The following MYOCD variants were observed in gnomAD, a reference collection of about 807,000 sequenced individuals.
MYOCD encodes the protein myocardin.
In MYOCD, 32 loss-of-function variants were observed where a neutral mutation model predicts 96.1. The observed-to-expected ratio is 0.33, with a 90% CI of 0.25 to 0.45. The LOEUF (loss-of-function observed/expected upper bound fraction) is 0.45. Ranked by LOEUF, MYOCD falls within the 20% of genes least tolerant of loss-of-function variation. The pLI, the probability that MYOCD is intolerant of heterozygous loss-of-function variation, is 1.00. For missense variants in MYOCD, 1,133 were observed against 1,200.6 expected (o/e 0.94, Z 0.83); for synonymous variants, 469 against 469.0 (o/e 1.00, Z 0.00).
chr17:12,754,295 A>G (rs1029390486), intron 10 of MYOCD, among the ~76,000 whole-genome samples: 11 of 152,022 alleles, frequency 7.2e-5, no homozygotes, highest in East Asian at 5.8e-4. Flanking sequence ...GTAGAGACAG[A>G]GTTTCACCAT....
At chr17:12,762,966 G>A (rs796728848) in intron 13 of MYOCD, 107 bp from the exon 14 acceptor site, 3 of 880,164 alleles carry the variant, frequency 3.4e-6, no homozygotes, top group African/African-American at 3.3e-5. Flanking sequence ...GGTGAGCGGT[G>A]ACCAGGGAAG....
intron 9 of MYOCD, among the ~76,000 whole-genome samples, chr17:12,751,906 C>T (rs2150718868): frequency 1.3e-5 from 2 of 152,282 alleles, no homozygotes; most frequent in Middle Eastern, 6.8e-3. Context: ...GGGTCAGAAA[C>T]CCCACAGTGG....
chr17:12,744,570 G>A (rs1322450305), intron 8 of MYOCD, 134 bp downstream of exon 8: 4 of 1,297,554 alleles, frequency 3.1e-6, no homozygotes, highest in African/African-American at 1.5e-5. Flanking sequence ...TGTTTGGAAG[G>A]TGACTCAATT....
Position 12,752,964 on chromosome 17 carries a change from A to T in MYOCD, c.1676A>T (p.Glu559Val). ...LQKQKRNNCS[E>V]KKPLPFLAAS... ...AAGCAGAAAAGGAATAACTGTTCAGAGAAGAAGCCGCTGCCTTTCCTGGCT... is the reference window on the plus strand; with the variant it reads ...AAGCAGAAAAGGAATAACTGTTCAGTGAAGAAGCCGCTGCCTTTCCTGGCT... The change falls in exon 10 of 14, where the codon GAG becomes GTG. Residue 559 changes from glutamate (E) to valine (V), a missense_variant. Glu to Val is a moderately radical substitution (Grantham distance 121). Coordinates refer to ENST00000425538, the MANE Select transcript of MYOCD (RefSeq NM_001146312.3). 2 of 1,614,172 alleles carry T rather than the reference A, an allele frequency of 1.2e-6. No homozygotes were observed. Among genetic ancestry groups the T allele is most frequent in the Non-Finnish European group, 1.7e-6 (2 of 1,180,036 alleles).
chr17:12,759,089 C>A (rs915981758), intron 12 of MYOCD, among the ~76,000 whole-genome samples: 7 of 151,968 alleles, frequency 4.6e-5, no homozygotes, highest in African/African-American at 1.4e-4. Context: ...ATTAATGATC[C>A]CCTATTTCAA....
chr17:12,700,497 T>C (rs2031016220), intron 1 of MYOCD, among the ~76,000 whole-genome samples: 1 of 137,304 alleles, frequency 7.3e-6, no homozygotes, highest in Non-Finnish European at 1.5e-5. Flanking sequence ...TACTGCAAGC[T>C]CTGCCTCCTG....
Position 12,736,205 on chromosome 17 carries a change from G to A in MYOCD, c.460G>A (p.Glu154Lys). 6.2e-7 allele frequency: 1 copy of A among 1,614,150 alleles called. No individual in the cohort carries two copies. The highest frequency in any genetic ancestry group is 1.3e-5 in the African/African-American group (1 of 75,032). The change falls in exon 6 of 14, where the codon GAA (glutamate) becomes AAA (lysine). Residue 154 changes from glutamate (E) to lysine (K), a missense_variant. Coordinates refer to ENST00000425538, the MANE Select transcript of MYOCD (RefSeq NM_001146312.3). ...CAAATCCACGGATGCTTTTGCCTTT[G>A]AAGAGGACAGCAGCAGCGATGGGCT... ...FSKSTDAFAFEEDSSSDGLSP... is the reference protein window; with the variant it reads ...FSKSTDAFAFKEDSSSDGLSP...
At chr17:12,722,250 A>G (rs79561153) in intron 4 of MYOCD, among the ~76,000 whole-genome samples, 3,046 of 152,276 alleles carry the variant, frequency 0.02, 139 homozygotes, top group Admixed American at 0.11. Context: ...AAGTGGATTT[A>G]AGGCTCTGTA....
rs770443067 is a variant in MYOCD at position 12,744,167 on chromosome 17, C to T, written c.718-16C>T. ...CATCACCTAAAGCACATGCAATTTC[C>T]TCATCTTCTTTGCAGTCCAAATCCT... On this transcript the variant is annotated splice_polypyrimidine_tract_variant and intron_variant, in intron 7 of 13. Transcript: ENST00000425538. 3.1e-6 allele frequency: 5 copies of T among 1,612,232 alleles called. No individual in the cohort carries two copies. The Admixed American group carries it at 5.0e-5, about 16-fold the overall frequency.
chr17:12,756,643 CCGA>C, intron 11 of MYOCD, 86 bp downstream of exon 11: 2 of 1,301,110 alleles, frequency 1.5e-6, no homozygotes, highest in Non-Finnish European at 2.1e-6. Context: ...TTGCAGTGAG[CCGA>C]GATCGCACCA....
chr17:12,666,040 C>G lies in MYOCD; in HGVS notation c.-149C>G. ...GGCGCCAGTTTTCTGGGGACACTGG[C>G]TGCCACTGTACTCCTACCCAGGGGA... On this transcript the variant is annotated 5_prime_UTR_variant, in exon 1 of 14. Coordinates refer to ENST00000425538, the MANE Select transcript of MYOCD (RefSeq NM_001146312.3). 1.7e-6 allele frequency: 1 copy of G among 587,352 alleles called. No homozygotes were observed. Among genetic ancestry groups the G allele is most frequent in the Non-Finnish European group, 3.0e-6 (1 of 329,016 alleles). The allele number at this position is 587,352 out of a possible 1,614,324, so 36.4% of individuals were successfully genotyped here.
chr17:12,692,505 T>C (rs1477548911), intron 1 of MYOCD, among the ~76,000 whole-genome samples: 1 of 152,232 alleles, frequency 6.6e-6, no homozygotes, highest in Non-Finnish European at 1.5e-5. Flanking sequence ...CTGGGGCTCT[T>C]GGACATTGAG....
intron 6 of MYOCD, among the ~76,000 whole-genome samples, chr17:12,737,073 G>A (rs796087212): frequency 7.9e-5 from 12 of 152,130 alleles, no homozygotes; most frequent in African/African-American, 1.9e-4. Context: ...TGGCCAACAC[G>A]GTGAAACCCC....
In MYOCD at chr17:12,768,909, A is replaced by G. The variant is rs955092738; in HGVS notation, c.*5265A>G. ...TGTTCTTTTTTAAAAAAAAAAAAAA[A>G]TGCATATATTTTTAAATAAAATGTT... On this transcript the variant is annotated 3_prime_UTR_variant, in exon 14 of 14. Transcript: ENST00000425538. 1 of 134,074 alleles carries G rather than the reference A, an allele frequency of 7.5e-6. No homozygotes were observed. Among genetic ancestry groups the G allele is most frequent in the Non-Finnish European group, 1.5e-5 (1 of 67,594 alleles). The allele number at this position is 134,074 out of a possible 1,614,324, so 8.3% of individuals were successfully genotyped here.
chr17:12,700,548 G>T (rs1324363404), intron 1 of MYOCD, among the ~76,000 whole-genome samples: 2 of 150,914 alleles, frequency 1.3e-5, no homozygotes, highest in African/African-American at 4.9e-5. Flanking sequence ...CGAGTAGCTG[G>T]GACTACAGGC....
chr17:12,709,978 C>T (rs1199595062), intron 2 of MYOCD, among the ~76,000 whole-genome samples: 1 of 152,188 alleles, frequency 6.6e-6, no homozygotes, highest in Non-Finnish European at 1.5e-5. Flanking sequence ...ATAAACTGGT[C>T]ATAGAGCATT....
intron 10 of MYOCD, 138 bp from the exon 11 acceptor site, chr17:12,756,276 G>C (rs941138951): frequency 9.9e-7 from 1 of 1,010,700 alleles, no homozygotes; most frequent in African/African-American, 1.6e-5. Context: ...TTTTAGGCAA[G>C]TTCATCTGGT....
At position 12,763,542 on chromosome 17, in the gene MYOCD, C is replaced by T. The variant is rs147591618; in HGVS notation, c.2859C>T (p.Ser953=). The T allele has an allele frequency of 5.1e-5, 82 of 1,614,132 alleles. No individual in the cohort carries two copies. The East Asian group carries it at 8.9e-4, about 18-fold the overall frequency. The stretch of plus-strand genomic sequence containing the variant: ...CGCCAAATTCCACACCAGGCTTTAG[C>T]GCCCTCACCACCAGCAGCCCCAGCA... ...LTPPNSTPGF[S]ALTTSSPSIF... is the part of the protein sequence containing the mutation. The change falls in exon 14 of 14, where the codon AGC becomes AGT. Residue 953 remains serine (S), a synonymous_variant. Coordinates refer to ENST00000425538, the MANE Select transcript of MYOCD (RefSeq NM_001146312.3).
rs868390017 is a variant in MYOCD, at chr17:12,752,745, C to G, written c.1457C>G (p.Pro486Arg). The G allele has an allele frequency of 5.0e-6, 8 of 1,614,052 alleles. No individual in the cohort carries two copies. In the Middle Eastern group the frequency reaches 8.2e-4, roughly 166 times the overall value. Reference sequence around the variant, plus strand: ...GCCTCCCCCTCCTTCGGCCTGCACCCGTCCCCAGTCCACGTGTGCACGGAG... The same window carrying G: ...GCCTCCCCCTCCTTCGGCCTGCACCGGTCCCCAGTCCACGTGTGCACGGAG... ...NDASPSFGLH[P>R]SPVHVCTEES... The change falls in exon 10 of 14, where the codon CCG becomes CGG. Residue 486 changes from proline (P) to arginine (R), a missense_variant. Pro to Arg is a moderately radical substitution (Grantham distance 103). Coordinates refer to ENST00000425538, the MANE Select transcript of MYOCD (RefSeq NM_001146312.3).
Sources: gnomAD v4.1 joint callset for allele counts (sites outside exome capture counted in the v4.1 genomes callset) on GRCh38, gnomAD v4.1.1 for gene constraint, MANE v1.5 for transcripts, NCBI Gene and HGNC (gene_info 2026-07-23, HGNC 2026-07-21) for gene names.